Variants in ARL17A observed in about 807,000 individuals in gnomAD.
ARL17A encodes the protein ADP-ribosylation factor-like 17-like.
intron 4 of ARL17A, among the ~76,000 whole-genome samples, chr17:46,532,312 T>G (rs1451295320): frequency 1.3e-5 from 2 of 150,312 alleles, no homozygotes; most frequent in Non-Finnish European, 2.9e-5. Context: ...CTCCGTTGAA[T>G]TTGGTTTGCC....
chr17:46,547,208 G>A (rs1598506572), intron 3 of ARL17A: 2 of 32,076 alleles, frequency 6.2e-5, no homozygotes, highest in African/African-American at 1.6e-4. Flanking sequence ...TTCTCCCCAA[G>A]AAGTGGGCAG....
intron 3 of ARL17A, among the ~76,000 whole-genome samples, chr17:46,558,456 G>A (rs1401533221): frequency 4.3e-5 from 5 of 115,832 alleles, no homozygotes; most frequent in Non-Finnish European, 8.7e-5. Context: ...GCGTGATCTC[G>A]GTTGACTGCA....
intron 3 of ARL17A, among the ~76,000 whole-genome samples, chr17:46,543,155 T>C (rs1359579709): frequency 6.6e-6 from 1 of 150,396 alleles, no homozygotes; most frequent in Non-Finnish European, 1.5e-5. Flanking sequence ...TAATGATTTG[T>C]CACCAAGGCC....
At chr17:46,502,986 G>C in the ARL17A span, among the ~76,000 whole-genome samples, 1 of 150,622 alleles carries the variant, frequency 6.6e-6, no homozygotes, top group Non-Finnish European at 1.5e-5. Flanking sequence ...GCTGAGGTGG[G>C]TGGATCCCGA....
At chr17:46,501,373 C>T in the ARL17A span, among the ~76,000 whole-genome samples, 1 of 151,090 alleles carries the variant, frequency 6.6e-6, no homozygotes, top group African/African-American at 2.5e-5. Flanking sequence ...TAGAGTTTCA[C>T]CATGTTGGCC....
At chr17:46,521,110 A>C (rs1239119277) in intron 3 of ARL17A, among the ~76,000 whole-genome samples, 3 of 76,194 alleles carry the variant, frequency 3.9e-5, no homozygotes, top group African/African-American at 1.2e-4. Flanking sequence ...CTCTTCACTA[A>C]TTACAAAATA....
chr17:46,533,791 T>G (rs2054111153), intron 4 of ARL17A, among the ~76,000 whole-genome samples: 1 of 93,922 alleles, frequency 1.1e-5, no homozygotes, highest in Non-Finnish European at 1.9e-5. Context: ...CCTGAGCCAC[T>G]GCGCCCAGCC....
chr17:46,525,982 C>G (rs1446622901), downstream of ARL17A, among the ~76,000 whole-genome samples: 1 of 84,140 alleles, frequency 1.2e-5, no homozygotes, highest in Non-Finnish European at 2.4e-5. Flanking sequence ...ACTTGCTTAT[C>G]TTGAGTTTCT....
At chr17:46,502,294 C>G in the ARL17A span, among the ~76,000 whole-genome samples, 2 of 151,068 alleles carry the variant, frequency 1.3e-5, no homozygotes, top group African/African-American at 4.9e-5. Context: ...CCACTGTTAT[C>G]TAGTTTAAGG....
At chr17:46,548,724 A>T, downstream of ARL17A, 1 of 1,610,022 alleles carries the variant, frequency 6.2e-7, no homozygotes, top group African/African-American at 1.4e-5. Context: ...GTGCCCAGGC[A>T]TCTGTGGAGA....
intron 3 of ARL17A, among the ~76,000 whole-genome samples, chr17:46,569,538 AT>A (rs2057661930): frequency 1.5e-5 from 2 of 136,620 alleles, no homozygotes; most frequent in South Asian, 4.5e-4. Flanking sequence ...AGTTAAAAAA[AT>A]AAATGCACTA....
In ARL17A at chr17:46,560,620, G is replaced by A. The variant is rs1438233700; in HGVS notation, c.260-2990C>T. On this transcript the variant is annotated intron_variant, in intron 3 of 3. Transcript: ENST00000336125. ...CAGTCTCATTCTGTCATCAAGGCTC[G>A]AGTGCAGTGGTGTGAACTCAGCTCA... is the stretch of plus-strand genomic sequence containing the variant. The A allele has an allele frequency of 1.3e-3, 59 of 44,172 alleles. 1 individual carries two copies. Among genetic ancestry groups the A allele is most frequent in the African/African-American group, 6.3e-3 (58 of 9,176 alleles). The allele number at this position is 44,172 out of a possible 1,614,324, so 2.7% of individuals were successfully genotyped here. A position where few individuals can be genotyped will look rare whatever the true frequency, so the allele number is the denominator to read the frequency against.
At chr17:46,550,487 A>T (rs374452768), downstream of ARL17A, 18 of 810,772 alleles carry the variant, frequency 2.2e-5, no homozygotes, top group Middle Eastern at 8.3e-4. Flanking sequence ...TGGAATACTA[A>T]CGATTTTGAT....
chr17:46,545,918 TC>T (rs1377143362), intron 3 of ARL17A, among the ~76,000 whole-genome samples: 1 of 149,212 alleles, frequency 6.7e-6, no homozygotes, highest in African/African-American at 2.5e-5. Context: ...GGGGGCTTAT[TC>T]AGACTTCTTA....
rs1477847719 is a variant in ARL17A at position 46,556,915 on chromosome 17, GGGA to G, written c.*438_*440del. Reference sequence around the variant, plus strand: ...TGGGCCCTACCTGAGGGTGGAGGGTGGGAGGAGGGAGAGGAGCAGAAAAAACTA... The same window carrying G: ...TGGGCCCTACCTGAGGGTGGAGGGTGGGAGGGAGAGGAGCAGAAAAAACTA... On this transcript the variant is annotated 3_prime_UTR_variant, in exon 4 of 4. Transcript: ENST00000336125. 4.7e-5 allele frequency: 5 copies of G among 107,068 alleles called. No individual in the cohort carries two copies. Among genetic ancestry groups the G allele is most frequent in the Admixed American group, 2.8e-4 (3 of 10,790 alleles). The allele number at this position is 107,068 out of a possible 1,614,324, so 6.6% of individuals were successfully genotyped here.
chr17:46,550,780 T>C (rs1356878411), downstream of ARL17A, among the ~76,000 whole-genome samples: 1 of 78,946 alleles, frequency 1.3e-5, no homozygotes, highest in East Asian at 2.4e-4. Context: ...CGAAAATTTC[T>C]CCCACCCAAA....
At chr17:46,518,403 C>CA (rs1162886692) in intron 3 of ARL17A, among the ~76,000 whole-genome samples, 1 of 116,178 alleles carries the variant, frequency 8.6e-6, no homozygotes, top group Non-Finnish European at 1.7e-5. Flanking sequence ...AATCCCTGTA[C>CA]ATGCTTCTTT....
intron 3 of ARL17A, among the ~76,000 whole-genome samples, chr17:46,541,219 G>C (rs1450009700): frequency 1.4e-4 from 21 of 149,178 alleles, no homozygotes; most frequent in Non-Finnish European, 2.4e-4. Context: ...ATAGCACATA[G>C]CCTCTTGTGT....
At chr17:46,547,246 A>T in intron 3 of ARL17A, 1 of 19,754 alleles carries the variant, frequency 5.1e-5, no homozygotes, top group East Asian at 6.8e-4. Flanking sequence ...CCTTTTACAG[A>T]TGAGGAAAAA....
Sources: allele counts gnomAD v4.1 joint callset (sites outside exome capture counted in the v4.1 genomes callset), GRCh38; gene constraint gnomAD v4.1.1; transcripts MANE v1.5; gene names NCBI Gene and HGNC (gene_info 2026-07-23, HGNC 2026-07-21).